The following DYNLL1 variants were observed in gnomAD, a reference collection of about 807,000 sequenced individuals.
The protein encoded by DYNLL1 is dynein light chain 1, cytoplasmic.
A neutral mutation model predicts 10.1 loss-of-function variants in DYNLL1; 3 were observed. The observed-to-expected ratio is 0.30, with a 90% CI of 0.14 to 0.77. The LOEUF is 0.77. Ranked by LOEUF, DYNLL1 falls within the 30% of genes least tolerant of loss-of-function variation. The pLI is 0.66. For missense variants in DYNLL1, 47 were observed against 111.7 expected (o/e 0.42, Z 2.61); for synonymous variants, 46 against 41.2 (o/e 1.12, Z -0.45).
chr12:120,476,775 C>A (rs1251538538), intron 1 of DYNLL1, among the ~76,000 whole-genome samples: 13 of 151,730 alleles, frequency 8.6e-5, no homozygotes, highest in African/African-American at 2.9e-4. Flanking sequence ...CCACACCTGG[C>A]TAATTCTGTA....
chr12:120,471,393 AAAAC>A (rs1291432081), intron 1 of DYNLL1, among the ~76,000 whole-genome samples: 23 of 152,046 alleles, frequency 1.5e-4, no homozygotes, highest in Non-Finnish European at 4.4e-5. Flanking sequence ...AGACAAAACA[AAAAC>A]AAACAAAAAA....
At chr12:120,496,381 C>G in intron 1 of DYNLL1, 35 bp from the exon 2 acceptor site, 1 of 1,612,266 alleles carries the variant, frequency 6.2e-7, no homozygotes, top group Non-Finnish European at 8.5e-7. Flanking sequence ...GGGCGCGGCC[C>G]AACTCAACCC....
chr12:120,483,143 G>A (rs1878922371), intron 1 of DYNLL1, among the ~76,000 whole-genome samples: 1 of 151,964 alleles, frequency 6.6e-6, no homozygotes, highest in Non-Finnish European at 1.5e-5. Context: ...TTTGAGACCA[G>A]CCTGACCAAT....
chr12:120,489,216 A>G (rs1879065386), intron 1 of DYNLL1, among the ~76,000 whole-genome samples: 1 of 152,114 alleles, frequency 6.6e-6, no homozygotes, highest in Non-Finnish European at 1.5e-5. Flanking sequence ...TAAGCTGATG[A>G]CTCTCCAAAT....
intron 1 of DYNLL1, among the ~76,000 whole-genome samples, chr12:120,483,994 C>T (rs960699424): frequency 2.0e-5 from 3 of 151,326 alleles, no homozygotes; most frequent in Non-Finnish European, 4.4e-5. Context: ...TGGTGGTCAC[C>T]GGTGACCACC....
upstream of DYNLL1, among the ~76,000 whole-genome samples, chr12:120,492,686 A>T (rs1879161171): frequency 6.6e-6 from 1 of 152,228 alleles, no homozygotes; most frequent in Admixed American, 6.5e-5. The surrounding 1 kb of genome is among the most constrained non-coding windows in gnomAD (Gnocchi z 4.1). Flanking sequence ...TCTCAGAAAC[A>T]TTAACCCCTA....
intron 1 of DYNLL1, among the ~76,000 whole-genome samples, chr12:120,489,157 C>T (rs750142278): frequency 4.6e-5 from 7 of 152,190 alleles, no homozygotes; most frequent in South Asian, 2.1e-4. Flanking sequence ...ACACGTACTC[C>T]GCCCTCAGTG....
intron 1 of DYNLL1, among the ~76,000 whole-genome samples, chr12:120,471,803 G>A (rs1005361617): frequency 2.6e-5 from 4 of 152,020 alleles, no homozygotes; most frequent in African/African-American, 9.7e-5. Flanking sequence ...AGTAGAGACA[G>A]GGTTTCACCG....
At chr12:120,473,049 G>T (rs1209394471) in intron 1 of DYNLL1, among the ~76,000 whole-genome samples, 1 of 152,112 alleles carries the variant, frequency 6.6e-6, no homozygotes, top group Non-Finnish European at 1.5e-5. Flanking sequence ...GAGGCCCAGG[G>T]CATGCAATAA....
At chr12:120,494,976 T>C (rs931472481), upstream of DYNLL1, among the ~76,000 whole-genome samples, 4 of 152,254 alleles carry the variant, frequency 2.6e-5, no homozygotes, top group Non-Finnish European at 5.9e-5. Context: ...TCATTTACTA[T>C]GTGCCTCACA....
chr12:120,495,986 T>G (rs1289278240), upstream of DYNLL1: 2 of 253,014 alleles, frequency 7.9e-6, no homozygotes, highest in African/African-American at 2.3e-5. Context: ...AACCATGGAG[T>G]CAATGGACCA....
chr12:120,496,629 C>A (rs778827849), intron 2 of DYNLL1, 76 bp downstream of exon 2: 4 of 1,612,040 alleles, frequency 2.5e-6, no homozygotes, highest in Middle Eastern at 3.3e-4. Flanking sequence ...TTCCTAAGGG[C>A]GCCTGACAGG....
At chr12:120,474,832 A>G (rs1312159058) in intron 1 of DYNLL1, among the ~76,000 whole-genome samples, 3 of 152,188 alleles carry the variant, frequency 2.0e-5, no homozygotes, top group African/African-American at 7.2e-5. Flanking sequence ...CAGGAGAGCT[A>G]TGGAATGAGT....
chr12:120,479,468 A>AAAAAT (rs1555221140), intron 1 of DYNLL1, among the ~76,000 whole-genome samples: 1 of 109,576 alleles, frequency 9.1e-6, no homozygotes. Context: ...AAAAAAAAAA[A>AAAAAT]AATAATAATA....
intron 1 of DYNLL1, among the ~76,000 whole-genome samples, chr12:120,482,009 T>C (rs1878889807): frequency 6.6e-6 from 1 of 152,144 alleles, no homozygotes; most frequent in East Asian, 1.9e-4. Flanking sequence ...CCACCACGCT[T>C]GGCCTTCTCT....
At chr12:120,473,425 G>A (rs778790142) in intron 1 of DYNLL1, among the ~76,000 whole-genome samples, 2 of 151,908 alleles carry the variant, frequency 1.3e-5, no homozygotes, top group Admixed American at 6.6e-5. Context: ...CAGGCCCAGT[G>A]GCTCATGCCT....
chr12:120,489,616 C>T (rs1232616880), intron 1 of DYNLL1, among the ~76,000 whole-genome samples: 2 of 152,196 alleles, frequency 1.3e-5, no homozygotes, highest in African/African-American at 4.8e-5. Context: ...CCATCAGCTT[C>T]CCCACCTTCC....
At chr12:120,475,295 A>G (rs1297717323) in intron 1 of DYNLL1, among the ~76,000 whole-genome samples, 1 of 152,178 alleles carries the variant, frequency 6.6e-6, no homozygotes, top group Non-Finnish European at 1.5e-5. Flanking sequence ...TATTTGTAGC[A>G]GCTCGGTTGC....
intron 1 of DYNLL1, among the ~76,000 whole-genome samples, chr12:120,483,028 G>C (rs1005435767): frequency 7.9e-5 from 12 of 151,832 alleles, no homozygotes; most frequent in African/African-American, 2.4e-4. Context: ...GGAAAACAGA[G>C]CAAGACCTCA....
Sources: allele counts gnomAD v4.1 joint callset (sites outside exome capture counted in the v4.1 genomes callset), GRCh38; gene constraint gnomAD v4.1.1; non-coding constraint Gnocchi (gnomAD v3.1); transcripts MANE v1.5; gene names NCBI Gene and HGNC (gene_info 2026-07-23, HGNC 2026-07-21).